Variants in RORA observed in about 807,000 individuals in gnomAD.
The protein encoded by RORA is RAR related orphan receptor A.
In RORA, 7 loss-of-function variants were observed where a neutral mutation model predicts 69.5. The observed-to-expected ratio is 0.10, with a 90% CI of 0.06 to 0.19. The LOEUF is 0.19. RORA is among the 10% of genes least tolerant of loss of function. The pLI, the probability that RORA is intolerant of heterozygous loss-of-function variation, is 1.00. For missense variants in RORA, 457 were observed against 663.0 expected, an observed-to-expected ratio of 0.69 and a Z score of 3.41; for synonymous variants, 261 against 240.8, an observed-to-expected ratio of 1.08 and a Z score of -0.78.
At chr15:60,981,116 A>C (rs1335013609) in intron 1 of RORA, among the ~76,000 whole-genome samples, 1 of 147,978 alleles carries the variant, frequency 6.8e-6, no homozygotes, top group Non-Finnish European at 1.5e-5. Context: ...TTTTTTCAGC[A>C]CTTTGAATGT....
At chr15:60,805,387 G>A (rs2072646291) in intron 1 of RORA, among the ~76,000 whole-genome samples, 1 of 152,182 alleles carries the variant, frequency 6.6e-6, no homozygotes, top group African/African-American at 2.4e-5. Context: ...TAAAACCCAG[G>A]CACAAATACC....
At position 60,804,009 on chromosome 15, in the gene RORA, G is replaced by A. The variant is rs1352294074; in HGVS notation, c.167-125323C>T. ...ACCAGCATTAAAATGAACTACCAGGGCCAGGTGCAGTGGCTCATGCCTGTA... is the reference window on the plus strand; with the variant it reads ...ACCAGCATTAAAATGAACTACCAGGACCAGGTGCAGTGGCTCATGCCTGTA... On this transcript the variant is annotated intron_variant, in intron 1 of 10. Coordinates refer to ENST00000335670, the MANE Select transcript of RORA (RefSeq NM_134261.3). 3.3e-5 allele frequency among the ~76,000 whole-genome samples: 5 copies of A among 152,080 alleles called. 1 individual carries two copies. The highest frequency in any genetic ancestry group is 2.6e-4 in the Admixed American group (4 of 15,272).
At chr15:61,214,122 T>A (rs933269487) in intron 1 of RORA, 1 of 152,124 alleles carries the variant, frequency 6.6e-6, no homozygotes, top group African/African-American at 2.4e-5. Context: ...AGTCGCAAAA[T>A]GTGAATCCAA....
chr15:60,865,997 A>G (rs2073483223), intron 1 of RORA, among the ~76,000 whole-genome samples: 1 of 132,742 alleles, frequency 7.5e-6, no homozygotes, highest in Non-Finnish European at 1.7e-5. Context: ...AACATACAAT[A>G]TATAGTGATC....
intron 1 of RORA, among the ~76,000 whole-genome samples, chr15:60,747,544 C>T (rs957627313): frequency 3.3e-5 from 5 of 152,204 alleles, no homozygotes; most frequent in Non-Finnish European, 5.9e-5. Flanking sequence ...ATGCTCCAAT[C>T]ACCTGCCAGA....
chr15:60,827,941 T>C (rs1305262381), intron 1 of RORA, among the ~76,000 whole-genome samples: 1 of 152,178 alleles, frequency 6.6e-6, no homozygotes, highest in Non-Finnish European at 1.5e-5. Context: ...ACCCCTGGTA[T>C]AGTGGTTGGC....
At chr15:60,751,897 T>G (rs904156768) in intron 1 of RORA, among the ~76,000 whole-genome samples, 1 of 152,184 alleles carries the variant, frequency 6.6e-6, no homozygotes, top group Non-Finnish European at 1.5e-5. Flanking sequence ...GGGACTTTAT[T>G]TCTCACCCCT....
At chr15:60,553,121 G>T (rs1399558138) in intron 2 of RORA, among the ~76,000 whole-genome samples, 1 of 152,130 alleles carries the variant, frequency 6.6e-6, no homozygotes, top group East Asian at 1.9e-4. Context: ...GCATACAATT[G>T]TAACTGCTAT....
intron 2 of RORA, among the ~76,000 whole-genome samples, chr15:60,597,217 A>G (rs142306019): frequency 6.6e-6 from 1 of 152,208 alleles, no homozygotes; most frequent in Non-Finnish European, 1.5e-5. Context: ...AAATGGAGAC[A>G]ATGGTGCAGG....
rs538746225 is a variant in RORA, at chr15:61,196,615, C to CA, written c.166+32437dup. On this transcript the variant is annotated intron_variant, in intron 1 of 10. Coordinates refer to ENST00000335670, the MANE Select transcript of RORA (RefSeq NM_134261.3). ...TTGTAATTCCAGTAGCACTACGACTCAGTTAGCCATAATATTATGAAATAT... is the reference window on the plus strand; with the variant it reads ...TTGTAATTCCAGTAGCACTACGACTCAAGTTAGCCATAATATTATGAAATAT... 8.5e-5 allele frequency among the ~76,000 whole-genome samples: 13 copies of CA among 152,372 alleles called. No individual in the cohort carries two copies. In the East Asian group the frequency reaches 2.5e-3, roughly 29 times the overall value.
chr15:60,643,722 C>T (rs2069986383), intron 2 of RORA, among the ~76,000 whole-genome samples: 2 of 152,174 alleles, frequency 1.3e-5, no homozygotes, highest in South Asian at 4.1e-4. Flanking sequence ...CATTAGAATT[C>T]CTATGAGCCT....
At chr15:60,663,070 C>G (rs1447003277) in intron 2 of RORA, among the ~76,000 whole-genome samples, 2 of 152,236 alleles carry the variant, frequency 1.3e-5, no homozygotes, top group Non-Finnish European at 2.9e-5. Context: ...GCCACCCCCA[C>G]TCTGATCTCC....
chr15:61,172,267 T>C (rs1421644731), intron 1 of RORA, among the ~76,000 whole-genome samples: 2 of 152,136 alleles, frequency 1.3e-5, no homozygotes, highest in Non-Finnish European at 2.9e-5. Flanking sequence ...ATATACGAAA[T>C]GACAAACACT....
chr15:61,164,942 C>T (rs1404669096), intron 1 of RORA, among the ~76,000 whole-genome samples: 2 of 152,072 alleles, frequency 1.3e-5, no homozygotes, highest in East Asian at 3.9e-4. Flanking sequence ...AGCAGAGAAC[C>T]TTTTCAAAGA....
At chr15:60,583,754 A>C (rs1417651039) in intron 2 of RORA, among the ~76,000 whole-genome samples, 1 of 152,182 alleles carries the variant, frequency 6.6e-6, no homozygotes, top group African/African-American at 2.4e-5. Flanking sequence ...ACAATGCCAG[A>C]AATTGCTCAC....
chr15:61,207,216 G>C (rs567272994), intron 1 of RORA, among the ~76,000 whole-genome samples: 1 of 152,182 alleles, frequency 6.6e-6, no homozygotes, highest in South Asian at 2.1e-4. Flanking sequence ...AATAGAGAAA[G>C]CCTACAAAAC....
intron 1 of RORA, among the ~76,000 whole-genome samples, chr15:60,714,058 C>T (rs1399682993): frequency 1.4e-5 from 2 of 144,300 alleles, no homozygotes; most frequent in Admixed American, 6.9e-5. Context: ...CTCTCTCTCT[C>T]TTTTTTTTTT....
chr15:61,008,787 C>T (rs1371867496), intron 1 of RORA, among the ~76,000 whole-genome samples: 1 of 152,136 alleles, frequency 6.6e-6, no homozygotes, highest in African/African-American at 2.4e-5. Context: ...TATACCCACT[C>T]TCAAACAATG....
rs540697295 is a variant in RORA, at chr15:61,040,729, A to AGGAT, written c.166+188320_166+188323dup. ...TCATCGAATAAATAAAATGAATGAA[A>AGGAT]GGATGGATGGATGGATTACAGACAA... On this transcript the variant is annotated intron_variant, in intron 1 of 10. Coordinates refer to ENST00000335670, the MANE Select transcript of RORA (RefSeq NM_134261.3). 1.1e-4 allele frequency among the ~76,000 whole-genome samples: 16 copies of AGGAT among 152,320 alleles called. No individual in the cohort carries two copies. The East Asian group carries it at 2.5e-3, about 24-fold the overall frequency.
Sources: gnomAD v4.1 joint callset for allele counts (sites outside exome capture counted in the v4.1 genomes callset) on GRCh38, gnomAD v4.1.1 for gene constraint, MANE v1.5 for transcripts, NCBI Gene and HGNC (gene_info 2026-07-23, HGNC 2026-07-21) for gene names.